Variants in TARS3 observed in about 807,000 individuals in gnomAD.
TARS3 encodes the protein threonyl-tRNA synthetase 3.
In TARS3, 94 loss-of-function variants were observed where a neutral mutation model predicts 103.5. The observed-to-expected ratio is 0.91, with a 90% CI of 0.77 to 1.08. The LOEUF (loss-of-function observed/expected upper bound fraction) is 1.08, where lower values mean the gene tolerates loss of function less well. Ranked by LOEUF, TARS3 falls within the 50% of genes least tolerant of loss-of-function variation. The pLI is 0.00. For missense variants in TARS3, 952 were observed against 995.2 expected (o/e 0.96, Z 0.58); for synonymous variants, 416 against 355.4 (o/e 1.17, Z -1.92).
Position 101,724,257 on chromosome 15 carries a change from T to C in TARS3, c.131A>G (p.Gln44Arg), listed in dbSNP as rs748541491. 41 of 1,564,190 alleles carry C rather than the reference T, an allele frequency of 2.6e-5. No homozygotes were observed. The highest frequency in any genetic ancestry group is 3.3e-5 in the Non-Finnish European group (38 of 1,161,932). The change falls in exon 1 of 19, where the codon CAG becomes CGG. Residue 44 changes from glutamine to arginine, a missense_variant. Transcript: ENST00000335968. Reference protein sequence around the residue: ...DEQLNAPYSCQAEGPCLTREV... With the variant: ...DEQLNAPYSCRAEGPCLTREV... ...CCGCGTGAGGCACGGCCCCTCCGCC[T>C]GGCAGCTGTAGGGCGCGTTCAGCTG...
chr15:101,673,786 G>A (rs61677204), intron 13 of TARS3, among the ~76,000 whole-genome samples: 7,514 of 152,204 alleles, frequency 0.049, 553 homozygotes, highest in African/African-American at 0.16. Flanking sequence ...CAGTGGGGAG[G>A]AGAAGGCCCT....
intron 6 of TARS3, among the ~76,000 whole-genome samples, 164 bp from the exon 7 acceptor site, chr15:101,705,911 T>C (rs574272058): frequency 6.6e-6 from 1 of 152,178 alleles, no homozygotes; most frequent in South Asian, 2.1e-4. Flanking sequence ...CCGTGCAGCA[T>C]GGAGGCCACA....
intron 3 of TARS3, among the ~76,000 whole-genome samples, chr15:101,717,491 G>C (rs1163332511): frequency 6.6e-6 from 1 of 151,968 alleles, no homozygotes; most frequent in Admixed American, 6.5e-5. Context: ...TCCAGAAGGA[G>C]TTTTCCAGCC....
intron 15 of TARS3, among the ~76,000 whole-genome samples, chr15:101,667,769 G>A: frequency 6.6e-6 from 1 of 151,978 alleles, no homozygotes; most frequent in East Asian, 1.9e-4. Context: ...ATTTTTAGTA[G>A]AGACGGGGTT....
intron 15 of TARS3, among the ~76,000 whole-genome samples, chr15:101,664,946 A>G (rs1193832821): frequency 6.6e-6 from 1 of 152,228 alleles, no homozygotes; most frequent in East Asian, 1.9e-4. Context: ...TAGAACTGAA[A>G]ACTACAATCA....
intron 12 of TARS3, among the ~76,000 whole-genome samples, chr15:101,677,501 CTT>C (rs36095342): frequency 2.8e-5 from 4 of 143,284 alleles, no homozygotes; most frequent in Admixed American, 6.9e-5. Flanking sequence ...AGTTCTCCAG[CTT>C]TTTTTTTTTT....
chr15:101,657,787 G>C lies in TARS3; in HGVS notation c.2143C>G (p.Gln715Glu). 1 of 1,604,424 alleles carries C rather than the reference G, an allele frequency of 6.2e-7. No individual in the cohort carries two copies. ...ACTTTAAACACCTCTGATTTTACCT[G>C]AAGTGCATATTTTTCACAAGTTGGC... ...VGPTCEKYAL[Q>E]VSSEFFEEGF... Residue 715 changes from glutamine (Q) to glutamate (E), a missense_variant and splice_region_variant, in exon 17 of 19, where the codon CAG (glutamine) becomes GAG (glutamate). Physicochemically the swap from Gln to Glu is conservative, Grantham distance 29. Transcript: ENST00000335968.
intron 3 of TARS3, among the ~76,000 whole-genome samples, chr15:101,717,989 T>C (rs1246040980): frequency 2.0e-5 from 3 of 152,204 alleles, no homozygotes; most frequent in African/African-American, 7.2e-5. Context: ...CAATAACCTT[T>C]GTGATAGTAT....
intron 15 of TARS3, among the ~76,000 whole-genome samples, chr15:101,662,731 G>A (rs1463822192): frequency 1.3e-5 from 2 of 152,164 alleles, no homozygotes; most frequent in African/African-American, 4.8e-5. Flanking sequence ...AAATATTCCT[G>A]AATATCCCAT....
At position 101,702,399 on chromosome 15, in the gene TARS3, A is replaced by T; in HGVS notation, c.1075-14T>A. The T allele has an allele frequency of 6.2e-7, 1 of 1,610,068 alleles. No individual in the cohort carries two copies. The highest frequency in any genetic ancestry group is 1.1e-5 in the South Asian group (1 of 90,838). The stretch of plus-strand genomic sequence containing the variant: ...TGTTGAGGAATTCTAAATATCAAAG[A>T]GGATTTTGGTAAATATATCATACAT... On this transcript the variant is annotated splice_polypyrimidine_tract_variant and intron_variant, in intron 8 of 18. Coordinates refer to ENST00000335968, the MANE Select transcript of TARS3 (RefSeq NM_152334.3).
Position 101,701,260 on chromosome 15 carries a change from CAGTT to C in TARS3, c.1222-80_1222-77del, listed in dbSNP as rs546126877. On this transcript the variant is annotated intron_variant, in intron 9 of 18. Coordinates refer to ENST00000335968, the MANE Select transcript of TARS3 (RefSeq NM_152334.3). ...ATTTACTGCACACACATATAATACTCAGTTATTTCCATCTTCTCTAGTAATAGAC... is the reference window on the plus strand; with the variant it reads ...ATTTACTGCACACACATATAATACTCATTTCCATCTTCTCTAGTAATAGAC... The C allele has an allele frequency of 9.7e-5, 79 of 811,994 alleles. 1 individual carries two copies. In the South Asian group the frequency reaches 1.2e-3, roughly 12 times the overall value. 50.3% of individuals were successfully genotyped at this position (811,994 alleles called of 1,614,324 possible). A position where few individuals can be genotyped will look rare whatever the true frequency, so the allele number is the denominator to read the frequency against.
intron 3 of TARS3, among the ~76,000 whole-genome samples, chr15:101,716,809 T>A (rs769780796): frequency 3.9e-5 from 6 of 152,054 alleles, no homozygotes; most frequent in Non-Finnish European, 8.8e-5. Context: ...GTCTCTGAGT[T>A]CTCATAATGT....
At chr15:101,679,985 G>A (rs1347243586) in intron 12 of TARS3, among the ~76,000 whole-genome samples, 1 of 152,160 alleles carries the variant, frequency 6.6e-6, no homozygotes, top group Non-Finnish European at 1.5e-5. Flanking sequence ...CTTTCCACTA[G>A]ACGTCTTCTG....
intron 12 of TARS3, among the ~76,000 whole-genome samples, chr15:101,683,784 T>G (rs563990158): frequency 6.6e-6 from 1 of 152,322 alleles, no homozygotes; most frequent in South Asian, 2.1e-4. Flanking sequence ...AAAGTAAATT[T>G]TAAGTTCTAG....
rs532758957 is a variant in TARS3, at chr15:101,708,763, G to A, written c.930+30C>T. ...TCTATATTGATTTTTAATATTCCTA[G>A]TAAGAGGTTTAGGAGTTTCCCCAAG... On this transcript the variant is annotated intron_variant, in intron 6 of 18. Coordinates refer to ENST00000335968, the MANE Select transcript of TARS3 (RefSeq NM_152334.3). The A allele has an allele frequency of 5.7e-6, 8 of 1,391,472 alleles. No individual in the cohort carries two copies. The African/African-American group carries it at 7.1e-5, about 12-fold the overall frequency. The allele number at this position is 1,391,472 out of a possible 1,614,324, so 86.2% of individuals were successfully genotyped here.
In TARS3 at chr15:101,703,869, TTGA is replaced by T. The variant is rs1158046831; in HGVS notation, c.1061_1063del (p.Ile354del). The T allele has an allele frequency of 1.2e-6, 2 of 1,611,648 alleles. No individual in the cohort carries two copies. The highest frequency in any genetic ancestry group is 1.7e-5 in the Admixed American group (1 of 59,872). Reference sequence around the variant, plus strand: ...AAAATCAATCCTTACCTTAAAAATTTTGATGGTTTTAATTTTTCCAGTGTGTCT... The same window carrying T: ...AAAATCAATCCTTACCTTAAAAATTTTGGTTTTAATTTTTCCAGTGTGTCT... On this transcript the variant is annotated inframe_deletion, in exon 8 of 19. Transcript: ENST00000335968.
intron 1 of TARS3, 89 bp from the exon 2 acceptor site, chr15:101,723,253 C>G (rs940467000): frequency 3.3e-6 from 4 of 1,229,588 alleles, no homozygotes; most frequent in Admixed American, 1.8e-5. Flanking sequence ...GCTGCAAGTG[C>G]CCCGTGTTTA....
chr15:101,657,082 C>G, intron 17 of TARS3, 46 bp from the exon 18 acceptor site: 1 of 1,300,144 alleles, frequency 7.7e-7, no homozygotes, highest in Non-Finnish European at 1.1e-6. Context: ...TGGTACCTAG[C>G]CTCCAAGAAG....
At chr15:101,704,425 C>T (rs1240548348) in intron 7 of TARS3, among the ~76,000 whole-genome samples, 5 of 151,976 alleles carry the variant, frequency 3.3e-5, no homozygotes, top group Admixed American at 2.6e-4. Context: ...GAGGCCGAGG[C>T]GGGTGGATCA....
Sources: allele counts gnomAD v4.1 joint callset (sites outside exome capture counted in the v4.1 genomes callset), GRCh38; gene constraint gnomAD v4.1.1; transcripts MANE v1.5; gene names NCBI Gene and HGNC (gene_info 2026-07-23, HGNC 2026-07-21).